The following NDEL1 variants were observed in gnomAD, a reference collection of about 807,000 sequenced individuals.
NDEL1 encodes the protein nuclear distribution protein nudE-like 1.
In NDEL1, 9 loss-of-function variants were observed where a neutral mutation model predicts 45.7. That is an observed-to-expected ratio of 0.20 (90% CI 0.12 to 0.34). The LOEUF (loss-of-function observed/expected upper bound fraction) is 0.34, where lower values mean the gene tolerates loss of function less well. Ranked by LOEUF, NDEL1 falls within the 10% of genes least tolerant of loss-of-function variation. NDEL1 has a pLI of 1.00. For synonymous variants in NDEL1, 133 were observed against 158.6 expected, an observed-to-expected ratio of 0.84 and a Z score of 1.21; for missense variants, 306 against 406.2, an observed-to-expected ratio of 0.75 and a Z score of 2.12.
At chr17:8,457,991 T>C (rs1490433010) in intron 7 of NDEL1, among the ~76,000 whole-genome samples, 1 of 152,244 alleles carries the variant, frequency 6.6e-6, no homozygotes, top group Non-Finnish European at 1.5e-5. Flanking sequence ...TTAAAGCTTC[T>C]TGAAAGCGTG....
At chr17:8,457,507 C>T (rs934089112) in intron 7 of NDEL1, among the ~76,000 whole-genome samples, 18 of 152,246 alleles carry the variant, frequency 1.2e-4, no homozygotes, top group African/African-American at 3.9e-4. Flanking sequence ...TTTGGGTCTG[C>T]TGGTGTCCAC....
At chr17:8,415,601 G>T (rs1265280701) in intron 1 of NDEL1, among the ~76,000 whole-genome samples, 1 of 151,602 alleles carries the variant, frequency 6.6e-6, no homozygotes, top group African/African-American at 2.4e-5. Flanking sequence ...ATACTTGGCT[G>T]ATTTTTGTAT....
At chr17:8,450,662 C>A in intron 5 of NDEL1, 118 bp from the exon 6 acceptor site, 4 of 903,752 alleles carry the variant, frequency 4.4e-6, no homozygotes, top group Non-Finnish European at 6.4e-6. Context: ...ATAGGAAATT[C>A]ATTTTTGAGA....
intron 1 of NDEL1, among the ~76,000 whole-genome samples, chr17:8,417,639 CA>C (rs1567718457): frequency 6.6e-6 from 1 of 152,138 alleles, no homozygotes; most frequent in Non-Finnish European, 1.5e-5. Context: ...GGGAACCCCC[CA>C]GAAGAATGCT....
In NDEL1 at chr17:8,435,950, G is replaced by A; in HGVS notation, c.-108G>A. On this transcript the variant is annotated 5_prime_UTR_variant, in exon 1 of 9. Transcript: ENST00000334527. ...CTGAGTGGAGCTCGGGGCTGCGTAG[G>A]GGAGCTGAGCCGAGCGGCTGGGCGG... The A allele has an allele frequency of 2.2e-6, 1 of 449,598 alleles. No homozygotes were observed. The highest frequency in any genetic ancestry group is 4.5e-6 in the Non-Finnish European group (1 of 224,094). The allele number at this position is 449,598 out of a possible 1,614,324, so 27.9% of individuals were successfully genotyped here. A position where few individuals can be genotyped will look rare whatever the true frequency, so the allele number is the denominator to read the frequency against.
chr17:8,460,921 A>T (rs1369610235), intron 8 of NDEL1, among the ~76,000 whole-genome samples: 1 of 152,014 alleles, frequency 6.6e-6, no homozygotes, highest in African/African-American at 2.4e-5. Flanking sequence ...ATATTATTCT[A>T]CCTCAATTTA....
chr17:8,448,316 G>T (rs1910229372), intron 4 of NDEL1, among the ~76,000 whole-genome samples: 1 of 152,204 alleles, frequency 6.6e-6, no homozygotes, highest in African/African-American at 2.4e-5. Flanking sequence ...TAGCCTTTCT[G>T]TAGGGAACAT....
downstream of NDEL1, among the ~76,000 whole-genome samples, chr17:8,471,833 GCTGA>G: frequency 6.6e-6 from 1 of 152,312 alleles, no homozygotes; most frequent in East Asian, 1.9e-4. Flanking sequence ...GGTCCTGACA[GCTGA>G]CTTAGGACGG....
intron 3 of NDEL1, among the ~76,000 whole-genome samples, chr17:8,446,458 T>C (rs1910084302): frequency 6.6e-6 from 1 of 152,216 alleles, no homozygotes; most frequent in Admixed American, 6.5e-5. Flanking sequence ...GCATTTAGCC[T>C]GAAAATCCAG....
intron 7 of NDEL1, among the ~76,000 whole-genome samples, chr17:8,458,200 CCTT>C (rs1397467146): frequency 6.6e-6 from 1 of 151,888 alleles, no homozygotes; most frequent in African/African-American, 2.4e-5. Context: ...TCTTTTCTCT[CCTT>C]CTCTGATGCT....
chr17:8,432,328 A>AATATATATATTATATATTTAT (rs1909023209), upstream of NDEL1, among the ~76,000 whole-genome samples: 5 of 106,586 alleles, frequency 4.7e-5, no homozygotes, highest in African/African-American at 1.6e-4. Flanking sequence ...TTTATATATA[A>AATATATATATTATATATTTAT]ATATATATAT....
intron 1 of NDEL1, among the ~76,000 whole-genome samples, chr17:8,419,923 A>G (rs2151692981): frequency 6.6e-6 from 1 of 152,278 alleles, no homozygotes; most frequent in Non-Finnish European, 1.5e-5. Context: ...GAATGAGGAG[A>G]ATAAAGAAGC....
At chr17:8,437,548 A>G (rs1391768) in intron 1 of NDEL1, among the ~76,000 whole-genome samples, 63,180 of 152,042 alleles carry the variant, frequency 0.42, 13,106 homozygotes, top group South Asian at 0.46. Flanking sequence ...TCCATAAAGT[A>G]AAAAAGAAGT....
At position 8,467,497 on chromosome 17, in the gene NDEL1, C is replaced by G. The variant is rs561916839; in HGVS notation, c.*474C>G. The G allele has an allele frequency of 5.6e-6, 2 of 354,230 alleles. No individual in the cohort carries two copies. Among genetic ancestry groups the G allele is most frequent in the Non-Finnish European group, 1.0e-5 (2 of 197,800 alleles). 21.9% of individuals were successfully genotyped at this position (354,230 alleles called of 1,614,324 possible). A position where few individuals can be genotyped will look rare whatever the true frequency, so the allele number is the denominator to read the frequency against. On this transcript the variant is annotated 3_prime_UTR_variant, in exon 9 of 9. Transcript: ENST00000334527. The surrounding 1 kb of genome is among the most constrained non-coding windows in gnomAD (Gnocchi z 6.3). ...ATGATCATGTGTCCCCCAACTCCAC[C>G]CCTCACAGTTTGGGCCTGTTTCTGG...
At position 8,439,434 on chromosome 17, in the gene NDEL1, G is replaced by A. The variant is rs140339447; in HGVS notation, c.-13+3389G>A. 3.6e-4 allele frequency among the ~76,000 whole-genome samples: 52 copies of A among 144,020 alleles called. No individual in the cohort carries two copies. In the East Asian group the frequency reaches 7.8e-3, roughly 22 times the overall value. 94.5% of individuals were successfully genotyped at this position (144,020 alleles called of 152,430 possible). A position where few individuals can be genotyped will look rare whatever the true frequency, so the allele number is the denominator to read the frequency against. On this transcript the variant is annotated intron_variant, in intron 1 of 8. Transcript: ENST00000334527. ...TTTTTTTTTTTTTTTTCATATTTTC[G>A]GTATAGACGAGGTTTCACCATGTTG...
chr17:8,436,134 G>T, intron 1 of NDEL1, 89 bp downstream of exon 1: 1 of 270,410 alleles, frequency 3.7e-6, no homozygotes, highest in South Asian at 2.9e-5. Context: ...CCCGGCCCGG[G>T]GCCGTGTCTG....
At chr17:8,471,654 A>G (rs1911835821), downstream of NDEL1, among the ~76,000 whole-genome samples, 1 of 152,260 alleles carries the variant, frequency 6.6e-6, no homozygotes, top group Non-Finnish European at 1.5e-5. Flanking sequence ...CTTTCTGCCC[A>G]GCTTACAGGC....
intron 1 of NDEL1, among the ~76,000 whole-genome samples, chr17:8,442,058 A>G (rs1406192927): frequency 2.6e-5 from 4 of 152,050 alleles, no homozygotes; most frequent in Non-Finnish European, 4.4e-5. Context: ...TTGGTTGTCC[A>G]TTTATATTTC....
chr17:8,442,736 A>T, intron 1 of NDEL1, among the ~76,000 whole-genome samples: 1 of 146,638 alleles, frequency 6.8e-6, no homozygotes, highest in Non-Finnish European at 1.5e-5. Flanking sequence ...TGTGCTAGAT[A>T]AACTCCAAGT....
Sources: allele counts gnomAD v4.1 joint callset (sites outside exome capture counted in the v4.1 genomes callset), GRCh38; gene constraint gnomAD v4.1.1; non-coding constraint Gnocchi (gnomAD v3.1); transcripts MANE v1.5; gene names NCBI Gene and HGNC (gene_info 2026-07-23, HGNC 2026-07-21).